The following CADPS2 variants were observed in gnomAD, a reference collection of about 807,000 sequenced individuals.
CADPS2 encodes the protein calcium-dependent secretion activator 2.
CADPS2 carries 93 observed loss-of-function variants against 172.5 expected under a neutral mutation model. That is an observed-to-expected ratio of 0.54 (90% CI 0.46 to 0.64). The LOEUF (loss-of-function observed/expected upper bound fraction) is 0.64. Ranked by LOEUF, CADPS2 falls within the 30% of genes least tolerant of loss-of-function variation. The pLI is 0.00. For synonymous variants in CADPS2, 546 were observed against 555.2 expected, an observed-to-expected ratio of 0.98 and a Z score of 0.23; for missense variants, 1,420 against 1,565.9, an observed-to-expected ratio of 0.91 and a Z score of 1.57.
At chr7:122,721,815 C>T (rs2090444172) in intron 2 of CADPS2, among the ~76,000 whole-genome samples, 1 of 152,116 alleles carries the variant, frequency 6.6e-6, no homozygotes, top group Admixed American at 6.6e-5. Context: ...AAACTGAATC[C>T]AGCAGCATAT....
intron 8 of CADPS2, among the ~76,000 whole-genome samples, chr7:122,536,065 T>C (rs575001631): frequency 1.3e-5 from 2 of 152,214 alleles, no homozygotes; most frequent in East Asian, 1.9e-4. Context: ...CCTTTTGTAA[T>C]TGGGTTTCTC....
intron 14 of CADPS2, among the ~76,000 whole-genome samples, chr7:122,453,351 T>C (rs934203243): frequency 6.6e-6 from 1 of 152,182 alleles, no homozygotes; most frequent in African/African-American, 2.4e-5. Context: ...ACATATTACT[T>C]TAGAATCAAT....
chr7:122,631,764 T>A (rs1349912804), intron 3 of CADPS2, among the ~76,000 whole-genome samples: 1 of 151,906 alleles, frequency 6.6e-6, no homozygotes, highest in Non-Finnish European at 1.5e-5. Flanking sequence ...TACATGTTGT[T>A]GAGGTTGAGG....
intron 11 of CADPS2, among the ~76,000 whole-genome samples, chr7:122,488,512 G>A (rs946725201): frequency 6.6e-6 from 1 of 152,230 alleles, no homozygotes; most frequent in African/African-American, 2.4e-5. Flanking sequence ...GATCCAAGGA[G>A]GACACAGACT....
At chr7:122,349,077 T>C (rs1011859465) in intron 27 of CADPS2, among the ~76,000 whole-genome samples, 1 of 130,254 alleles carries the variant, frequency 7.7e-6, no homozygotes, top group Non-Finnish European at 1.7e-5. Flanking sequence ...CTAGTACATT[T>C]TTGTGGGGTT....
At chr7:122,398,559 T>A (rs909196754) in intron 20 of CADPS2, among the ~76,000 whole-genome samples, 3 of 152,168 alleles carry the variant, frequency 2.0e-5, no homozygotes, top group Non-Finnish European at 4.4e-5. Flanking sequence ...CTAAAAATTA[T>A]ATCAACCCTG....
At chr7:122,619,909 G>T (rs1398430058) in intron 5 of CADPS2, among the ~76,000 whole-genome samples, 2 of 152,112 alleles carry the variant, frequency 1.3e-5, no homozygotes, top group African/African-American at 4.8e-5. Flanking sequence ...ATTGAATCTT[G>T]AGTCAGAAGA....
chr7:122,438,485 AG>A, intron 16 of CADPS2, 21 bp from the exon 17 acceptor site: 1 of 1,611,578 alleles, frequency 6.2e-7, no homozygotes, highest in South Asian at 1.1e-5. Flanking sequence ...AGGAAGTGGA[AG>A]GGTGAGGGGC....
chr7:122,664,581 G>A (rs1384753041), intron 2 of CADPS2, among the ~76,000 whole-genome samples: 1 of 152,120 alleles, frequency 6.6e-6, no homozygotes, highest in East Asian at 1.9e-4. Context: ...ATGTATCTAA[G>A]TATCAGTTAA....
intron 6 of CADPS2, among the ~76,000 whole-genome samples, chr7:122,588,885 GA>G (rs2070248025): frequency 6.6e-6 from 1 of 151,918 alleles, no homozygotes; most frequent in Non-Finnish European, 1.5e-5. Flanking sequence ...AAAGATTCTT[GA>G]AAATAGGATA....
chr7:122,852,342 G>T (rs2141123178), intron 1 of CADPS2, among the ~76,000 whole-genome samples: 1 of 152,276 alleles, frequency 6.6e-6, no homozygotes, highest in Admixed American at 6.5e-5. Flanking sequence ...ACTGACAGGA[G>T]AATTTTTAAA....
At chr7:122,697,498 TAA>T (rs976253842) in intron 2 of CADPS2, among the ~76,000 whole-genome samples, 2 of 152,120 alleles carry the variant, frequency 1.3e-5, no homozygotes, top group African/African-American at 4.8e-5. Context: ...TTTAAGAAAA[TAA>T]GTTTGTCCTT....
intron 7 of CADPS2, among the ~76,000 whole-genome samples, chr7:122,577,820 AGT>A (rs1397549091): frequency 6.6e-6 from 1 of 152,128 alleles, no homozygotes; most frequent in African/African-American, 2.4e-5. Context: ...AAGCACTGTC[AGT>A]TTTTCTGCAT....
At chr7:122,808,571 G>A (rs549610753) in intron 1 of CADPS2, among the ~76,000 whole-genome samples, 4 of 152,314 alleles carry the variant, frequency 2.6e-5, no homozygotes, top group Non-Finnish European at 5.9e-5. Context: ...AGGCAAGGAA[G>A]TTAGATGTCA....
chr7:122,852,556 G>C (rs1025449015), intron 1 of CADPS2, among the ~76,000 whole-genome samples: 2 of 152,188 alleles, frequency 1.3e-5, no homozygotes, highest in Non-Finnish European at 2.9e-5. Context: ...TGAGTTAATG[G>C]TTGAGCAAAG....
At chr7:122,796,849 A>G (rs550289466) in intron 1 of CADPS2, among the ~76,000 whole-genome samples, 17 of 152,314 alleles carry the variant, frequency 1.1e-4, no homozygotes, top group Middle Eastern at 6.8e-3. Context: ...AATCGCAACA[A>G]AAACAAAAAC....
In CADPS2 at chr7:122,407,668, G is replaced by T. The variant is rs1285735045; in HGVS notation, c.2618C>A (p.Ala873Asp). The T allele has an allele frequency of 1.2e-6, 2 of 1,610,954 alleles. No homozygotes were observed. The highest frequency in any genetic ancestry group is 2.7e-5 in the African/African-American group (2 of 74,860). The change falls in exon 20 of 30, where the codon GCT becomes GAT. Residue 873 changes from alanine (A) to aspartate (D), a missense_variant. Ala to Asp is a moderately radical substitution (Grantham distance 126). Coordinates refer to ENST00000449022, the MANE Select transcript of CADPS2 (RefSeq NM_017954.11). ...AGCCCAAAATTTCTCTGCATGTTCA[G>T]CCAATAAATCAGGCCACCAGGCAAA... ...EAFAWWPDLL[A>D]EHAEKFWALF...
chr7:122,430,847 A>G (rs73431538), intron 17 of CADPS2, among the ~76,000 whole-genome samples: 9,145 of 152,268 alleles, frequency 0.06, 681 homozygotes, highest in African/African-American at 0.18. Context: ...TTATTCTGCA[A>G]ATTTGTGCTG....
chr7:122,825,885 C>T (rs1393980945), intron 1 of CADPS2, among the ~76,000 whole-genome samples: 2 of 152,100 alleles, frequency 1.3e-5, no homozygotes, highest in African/African-American at 4.8e-5. Flanking sequence ...CAGCCAAGGT[C>T]AAGTGGGAGC....
Sources: gnomAD v4.1 joint callset for allele counts (sites outside exome capture counted in the v4.1 genomes callset) on GRCh38, gnomAD v4.1.1 for gene constraint, MANE v1.5 for transcripts, NCBI Gene and HGNC (gene_info 2026-07-23, HGNC 2026-07-21) for gene names.